The following LRRTM4 variants were observed in gnomAD, a reference collection of about 807,000 sequenced individuals.
LRRTM4 encodes the protein leucine-rich repeat transmembrane neuronal protein 4.
A neutral mutation model predicts 47.6 loss-of-function variants in LRRTM4; 25 were observed. The observed-to-expected ratio is 0.53, with a 90% CI of 0.38 to 0.73. LRRTM4 has a LOEUF of 0.73. Among genes scored for constraint, LRRTM4 ranks in the 30% least tolerant of loss-of-function variants. LRRTM4 has a pLI of 0.00. For synonymous variants in LRRTM4, 311 were observed against 269.5 expected (o/e 1.15, Z -1.51); for missense variants, 638 against 713.4 (o/e 0.89, Z 1.20).
At chr2:77,068,156 G>A (rs1680024091) in intron 3 of LRRTM4, among the ~76,000 whole-genome samples, 2 of 151,930 alleles carry the variant, frequency 1.3e-5, no homozygotes. Flanking sequence ...ATCTATTATG[G>A]AAATAAGACC....
chr2:77,200,862 T>G (rs1486710169), intron 3 of LRRTM4, among the ~76,000 whole-genome samples: 3 of 152,140 alleles, frequency 2.0e-5, no homozygotes, highest in African/African-American at 7.2e-5. Flanking sequence ...AAGTAATTTA[T>G]GACTTACCAC....
At chr2:76,853,211 G>A (rs1672050415) in intron 3 of LRRTM4, among the ~76,000 whole-genome samples, 3 of 152,114 alleles carry the variant, frequency 2.0e-5, no homozygotes, top group South Asian at 4.1e-4. Flanking sequence ...GAATAAATGG[G>A]GAGGGGCTAT....
At chr2:77,037,648 A>G (rs1027238299) in intron 3 of LRRTM4, among the ~76,000 whole-genome samples, 16 of 151,742 alleles carry the variant, frequency 1.1e-4, no homozygotes, top group Non-Finnish European at 3.0e-5. Context: ...ACTCTAATAT[A>G]AGAAGAAATA....
intron 3 of LRRTM4, among the ~76,000 whole-genome samples, chr2:77,303,209 C>T (rs1677178669): frequency 6.6e-6 from 1 of 151,770 alleles, no homozygotes; most frequent in East Asian, 1.9e-4. Flanking sequence ...TGCAGTGAGC[C>T]AAGATCGTGC....
intron 3 of LRRTM4, among the ~76,000 whole-genome samples, chr2:77,486,731 C>T (rs1044304962): frequency 6.6e-6 from 1 of 152,160 alleles, no homozygotes; most frequent in Non-Finnish European, 1.5e-5. Context: ...TGATTAATCA[C>T]TGGCCTATGT....
chr2:76,885,373 A>C (rs938245342), intron 3 of LRRTM4, among the ~76,000 whole-genome samples: 4 of 152,050 alleles, frequency 2.6e-5, no homozygotes, highest in African/African-American at 9.7e-5. Context: ...GCATGTGCTC[A>C]ATATATGATA....
At chr2:77,021,114 C>G (rs911255750) in intron 3 of LRRTM4, among the ~76,000 whole-genome samples, 1 of 151,620 alleles carries the variant, frequency 6.6e-6, no homozygotes, top group African/African-American at 2.4e-5. Flanking sequence ...ATCTATGTAT[C>G]TATCTATCTA....
chr2:76,968,610 C>T (rs1676117592), intron 3 of LRRTM4, among the ~76,000 whole-genome samples: 1 of 151,154 alleles, frequency 6.6e-6, no homozygotes, highest in Non-Finnish European at 1.5e-5. Context: ...GCTAACTATT[C>T]TGTTTGGGGT....
At chr2:77,118,391 G>C (rs1398992593) in intron 3 of LRRTM4, among the ~76,000 whole-genome samples, 1 of 151,838 alleles carries the variant, frequency 6.6e-6, no homozygotes, top group Non-Finnish European at 1.5e-5. Context: ...ATTAGCATCA[G>C]TGCAGCTGAT....
intron 3 of LRRTM4, among the ~76,000 whole-genome samples, chr2:76,843,514 C>G (rs774404025): frequency 6.6e-6 from 1 of 152,164 alleles, no homozygotes; most frequent in Non-Finnish European, 1.5e-5. Context: ...TCCCAGTTCT[C>G]ATTCATGAAC....
intron 3 of LRRTM4, among the ~76,000 whole-genome samples, chr2:77,324,209 C>T (rs939466935): frequency 6.6e-6 from 1 of 151,968 alleles, no homozygotes; most frequent in Non-Finnish European, 1.5e-5. Context: ...TATTTTTTCT[C>T]GACAAATATT....
At chr2:77,416,591 A>G (rs1674643411) in intron 3 of LRRTM4, among the ~76,000 whole-genome samples, 1 of 152,110 alleles carries the variant, frequency 6.6e-6, no homozygotes. Flanking sequence ...CCATAAAAAT[A>G]AACACAGGAA....
chr2:77,096,162 TAATA>T (rs1382051051), intron 3 of LRRTM4, among the ~76,000 whole-genome samples: 1 of 151,732 alleles, frequency 6.6e-6, no homozygotes, highest in Non-Finnish European at 1.5e-5. Context: ...AATTAAAAAT[TAATA>T]AATTAATTTT....
At chr2:77,119,136 T>C (rs1194989158) in intron 3 of LRRTM4, among the ~76,000 whole-genome samples, 1 of 151,900 alleles carries the variant, frequency 6.6e-6, no homozygotes, top group African/African-American at 2.4e-5. Flanking sequence ...TGAATCCAAC[T>C]CATCCAGTTA....
chr2:77,017,899 C>G lies in LRRTM4; in HGVS notation c.1552-268983G>C, dbSNP rs369143791. Among the ~76,000 whole-genome samples the G allele has an allele frequency of 5.0e-5, 7 of 140,178 alleles. No individual in the cohort carries two copies. The South Asian group carries it at 1.4e-3, about 28-fold the overall frequency. The allele number at this position is 140,178 out of a possible 152,430, so 92.0% of individuals were successfully genotyped here. A position where few individuals can be genotyped will look rare whatever the true frequency, so the allele number is the denominator to read the frequency against. ...AAATTATATATTAGAAAGCGTCTTT[C>G]TTTAAAACAGGAAGTGTTAGCTCAA... On this transcript the variant is annotated intron_variant, in intron 3 of 3. Transcript: ENST00000409884.
intron 3 of LRRTM4, among the ~76,000 whole-genome samples, chr2:77,255,095 GA>G (rs1396602363): frequency 6.6e-6 from 1 of 151,818 alleles, no homozygotes; most frequent in South Asian, 2.1e-4. Flanking sequence ...TATATATAAA[GA>G]ATATGTGCAT....
chr2:77,345,001 G>A (rs1270138770), intron 3 of LRRTM4, among the ~76,000 whole-genome samples: 1 of 150,852 alleles, frequency 6.6e-6, no homozygotes, highest in Non-Finnish European at 1.5e-5. Context: ...TATATAAATA[G>A]TTATTGATAA....
At chr2:76,916,750 A>G (rs1208153546) in intron 3 of LRRTM4, among the ~76,000 whole-genome samples, 1 of 152,164 alleles carries the variant, frequency 6.6e-6, no homozygotes, top group Non-Finnish European at 1.5e-5. Context: ...TTAGATCCAC[A>G]AAACTCCGAT....
At chr2:76,808,549 T>C (rs1222506766) in intron 3 of LRRTM4, among the ~76,000 whole-genome samples, 1 of 152,196 alleles carries the variant, frequency 6.6e-6, no homozygotes, top group South Asian at 2.1e-4. Context: ...TTGTCTTTTA[T>C]TTATTGATGC....
Sources: allele counts gnomAD v4.1 joint callset (sites outside exome capture counted in the v4.1 genomes callset), GRCh38; gene constraint gnomAD v4.1.1; transcripts MANE v1.5; gene names NCBI Gene and HGNC (gene_info 2026-07-23, HGNC 2026-07-21).